The following SGSM2 variants were observed in gnomAD, a reference collection of about 807,000 sequenced individuals.
SGSM2 encodes RUN and TBC1 domain containing 1.
A neutral mutation model predicts 126.6 loss-of-function variants in SGSM2; 89 were observed. That is an observed-to-expected ratio of 0.70 (90% CI 0.59 to 0.84). SGSM2 has a LOEUF of 0.84. Ranked by LOEUF, SGSM2 falls within the 40% of genes least tolerant of loss-of-function variation. The probability of loss-of-function intolerance (pLI) is 0.00; values close to 1 mark genes in which losing one functional copy is unlikely to be tolerated. For missense variants in SGSM2, 1,404 were observed against 1,416.6 expected, an observed-to-expected ratio of 0.99 and a Z score of 0.14; for synonymous variants, 614 against 574.3, an observed-to-expected ratio of 1.07 and a Z score of -0.99.
In SGSM2 at chr17:2,337,688, C is replaced by A; in HGVS notation, c.-1C>A. On this transcript the variant is annotated 5_prime_UTR_variant, in exon 1 of 24. Transcript: ENST00000268989. The surrounding 1 kb of genome is among the most constrained non-coding windows in gnomAD (Gnocchi z 5.1). ...CGCTCGGCGCCGCCTCCTGCCACAC[C>A]ATGGGCAGCGCAGAGGACGCAGTCA... is the stretch of plus-strand genomic sequence containing the variant. The A allele has an allele frequency of 6.6e-7, 1 of 1,511,512 alleles. No individual in the cohort carries two copies. The highest frequency in any genetic ancestry group is 8.9e-7 in the Non-Finnish European group (1 of 1,124,294). 93.6% of individuals were successfully genotyped at this position (1,511,512 alleles called of 1,614,324 possible). A position where few individuals can be genotyped will look rare whatever the true frequency, so the allele number is the denominator to read the frequency against.
chr17:2,344,193 CCTT>C (rs896126069), intron 2 of SGSM2, among the ~76,000 whole-genome samples: 9 of 152,170 alleles, frequency 5.9e-5, no homozygotes, highest in African/African-American at 1.9e-4. Context: ...CTCATCACCT[CCTT>C]CTCAGTGTGG....
chr17:2,338,388 C>G (rs1409714936), intron 1 of SGSM2, among the ~76,000 whole-genome samples: 1 of 152,134 alleles, frequency 6.6e-6, no homozygotes, highest in Non-Finnish European at 1.5e-5. Flanking sequence ...GTAGTCCTTC[C>G]CTCTACTAAC....
chr17:2,345,290 C>T (rs1420564275), intron 2 of SGSM2, among the ~76,000 whole-genome samples: 4 of 151,806 alleles, frequency 2.6e-5, no homozygotes, highest in East Asian at 1.9e-4. Context: ...GGTGAAACCC[C>T]GTCTCTACTA....
Position 2,376,279 on chromosome 17 carries a change from G to A in SGSM2, c.2609+18G>A, listed in dbSNP as rs767435924. The A allele has an allele frequency of 6.2e-7, 1 of 1,613,166 alleles. No individual in the cohort carries two copies. The highest frequency in any genetic ancestry group is 8.5e-7 in the Non-Finnish European group (1 of 1,179,940). ...ATGTGCAGGTGCCTTGTGGGGCGGG[G>A]CTCAGGGTGGGAGGCGGGACCCTGC... On this transcript the variant is annotated intron_variant, in intron 19 of 23. Coordinates refer to ENST00000268989, the MANE Select transcript of SGSM2 (RefSeq NM_014853.3).
Position 2,337,590 on chromosome 17 carries a change from G to C in SGSM2, c.-99G>C. On this transcript the variant is annotated 5_prime_UTR_variant, in exon 1 of 24. Coordinates refer to ENST00000268989, the MANE Select transcript of SGSM2 (RefSeq NM_014853.3). This position sits in a 1 kb window ranked among gnomAD's most constrained non-coding sequence, Gnocchi z 5.1. ...CGGCGGGCCGGGAGCGCGGCGGGCG[G>C]GGGCTCCGCCTTGCGCGTGGGGCGC... is the stretch of plus-strand genomic sequence containing the variant. 1.3e-6 allele frequency: 1 copy of C among 799,176 alleles called. No individual in the cohort carries two copies. The highest frequency in any genetic ancestry group is 1.6e-6 in the Non-Finnish European group (1 of 628,500). The allele number at this position is 799,176 out of a possible 1,614,324, so 49.5% of individuals were successfully genotyped here.
intron 2 of SGSM2, among the ~76,000 whole-genome samples, chr17:2,353,431 A>G (rs1388253023): frequency 1.3e-5 from 2 of 152,120 alleles, no homozygotes; most frequent in African/African-American, 2.4e-5. Context: ...TGCATTCATA[A>G]TATATTTAAC....
intron 8 of SGSM2, 45 bp downstream of exon 8, chr17:2,364,228 G>C: frequency 2.5e-6 from 4 of 1,611,202 alleles, no homozygotes; most frequent in Non-Finnish European, 3.4e-6. Flanking sequence ...GCAGGGAGTG[G>C]GTTTGACCTC....
At chr17:2,358,282 C>T (rs866386633) in intron 2 of SGSM2, among the ~76,000 whole-genome samples, 10 of 152,140 alleles carry the variant, frequency 6.6e-5, no homozygotes, top group Admixed American at 5.2e-4. Flanking sequence ...GACACGTCCC[C>T]GGGGAAGGAG....
chr17:2,368,869 G>A (rs1368931704), intron 12 of SGSM2, among the ~76,000 whole-genome samples: 1 of 152,204 alleles, frequency 6.6e-6, no homozygotes, highest in East Asian at 1.9e-4. Flanking sequence ...CTTCCCCCAC[G>A]AACTGGTAGT....
At chr17:2,342,868 T>C (rs2064437832) in intron 1 of SGSM2, among the ~76,000 whole-genome samples, 1 of 151,880 alleles carries the variant, frequency 6.6e-6, no homozygotes, top group Non-Finnish European at 1.5e-5. Flanking sequence ...TCCCAGCTAC[T>C]CGGGAGGCTG....
intron 12 of SGSM2, among the ~76,000 whole-genome samples, chr17:2,369,132 C>T (rs765171077): frequency 6.6e-6 from 1 of 152,124 alleles, no homozygotes; most frequent in South Asian, 2.1e-4. Context: ...AATCAGCAGG[C>T]GGTTGGGGAG....
intron 2 of SGSM2, among the ~76,000 whole-genome samples, chr17:2,348,667 G>A (rs2151497290): frequency 6.6e-6 from 1 of 152,330 alleles, no homozygotes; most frequent in East Asian, 1.9e-4. Context: ...CCAGAAGGCA[G>A]ATGTAAGGAA....
Position 2,371,235 on chromosome 17 carries a change from T to C in SGSM2, c.1424-27T>C, listed in dbSNP as rs1337773048. ...CTGGGAGAGAAGGTGTCTCAGGCCC[T>C]GACCATGCCACCCTTCCTGCCCGCA... On this transcript the variant is annotated intron_variant, in intron 12 of 23. Coordinates refer to ENST00000268989, the MANE Select transcript of SGSM2 (RefSeq NM_014853.3). The C allele has an allele frequency of 3.1e-6, 5 of 1,602,038 alleles. No homozygotes were observed. The Admixed American group carries it at 8.4e-5, about 27-fold the overall frequency.
chr17:2,373,538 T>G (rs762432391), intron 17 of SGSM2, 25 bp downstream of exon 17: 1 of 1,574,286 alleles, frequency 6.4e-7, no homozygotes, highest in Non-Finnish European at 8.6e-7. Flanking sequence ...ACCTGGAGGG[T>G]TGGGGGTCTC....
In SGSM2 at chr17:2,375,758, G is replaced by A; in HGVS notation, c.2367G>A (p.Gly789=). The A allele has an allele frequency of 6.2e-7, 1 of 1,601,912 alleles. No individual in the cohort carries two copies. Among genetic ancestry groups the A allele is most frequent in the Non-Finnish European group, 8.5e-7 (1 of 1,172,792 alleles). The change falls in exon 18 of 24, where the codon GGG becomes GGA. Residue 789 remains glycine, a synonymous_variant. Transcript: ENST00000268989. Reference sequence around the variant, plus strand: ...GCGGTGGGGAGGAAGGCTCCAGTGGGCCCGGCCCTGCAGCTCACACTTTGA... The same window carrying A: ...GCGGTGGGGAGGAAGGCTCCAGTGGACCCGGCCCTGCAGCTCACACTTTGA... ...EDGGGEEGSS[G]PGPAAHTLRE... is the part of the protein sequence containing the mutation.
chr17:2,370,359 C>G (rs911438651), intron 12 of SGSM2, among the ~76,000 whole-genome samples: 3 of 152,266 alleles, frequency 2.0e-5, no homozygotes, highest in Admixed American at 6.5e-5. Context: ...TGGAAGCTCT[C>G]GAGGGTCTTG....
At chr17:2,374,150 C>T (rs1688771667) in intron 17 of SGSM2, 1 of 152,220 alleles carries the variant, frequency 6.6e-6, no homozygotes, top group Non-Finnish European at 1.5e-5. Context: ...CCTGGCCCAA[C>T]CAACACTGAT....
intron 17 of SGSM2, 86 bp downstream of exon 17, chr17:2,373,599 C>CTGGGAACTGG: frequency 7.8e-7 from 1 of 1,279,330 alleles, no homozygotes; most frequent in Non-Finnish European, 1.1e-6. Flanking sequence ...AGCCTGACCT[C>CTGGGAACTGG]TGGGAACTGG....
chr17:2,374,278 G>A (rs2066021560), intron 17 of SGSM2: 1 of 152,234 alleles, frequency 6.6e-6, no homozygotes, highest in Admixed American at 6.5e-5. Flanking sequence ...GTAAGTTGAA[G>A]TAAGTTAAAT....
Sources: gnomAD v4.1 joint callset for allele counts (sites outside exome capture counted in the v4.1 genomes callset) on GRCh38, gnomAD v4.1.1 for gene constraint, Gnocchi (gnomAD v3.1) non-coding constraint, MANE v1.5 for transcripts, NCBI Gene and HGNC (gene_info 2026-07-23, HGNC 2026-07-21) for gene names.